The following ZBBX variants were observed in gnomAD, a reference collection of about 807,000 sequenced individuals.
ZBBX encodes the protein zinc finger B-box domain containing, also known as zinc finger B-box domain-containing protein 1.
Under a neutral mutation model 108.5 loss-of-function variants are expected in ZBBX, and 101 were observed. The observed-to-expected ratio is 0.93, with a 90% CI of 0.79 to 1.10. The LOEUF is 1.10. Ranked by LOEUF, ZBBX falls within the 50% of genes least tolerant of loss-of-function variation. The pLI is 0.00. For synonymous variants in ZBBX, 356 were observed against 323.4 expected, an observed-to-expected ratio of 1.10 and a Z score of -1.08; for missense variants, 1,009 against 941.4, an observed-to-expected ratio of 1.07 and a Z score of -0.94.
upstream of ZBBX, among the ~76,000 whole-genome samples, chr3:167,384,153 G>A (rs997491879): frequency 6.6e-6 from 1 of 152,034 alleles, no homozygotes; most frequent in African/African-American, 2.4e-5. Flanking sequence ...TCTTTCAAGG[G>A]TAATTCTGGT....
At chr3:167,390,719 C>T (rs1748061167) in intron 1 of ZBBX, among the ~76,000 whole-genome samples, 2 of 151,744 alleles carry the variant, frequency 1.3e-5, no homozygotes. Context: ...CCCTGTAAGT[C>T]GTATTCCTAG....
intron 1 of ZBBX, among the ~76,000 whole-genome samples, chr3:167,387,904 T>C (rs1178195376): frequency 6.6e-6 from 1 of 152,064 alleles, no homozygotes; most frequent in African/African-American, 2.4e-5. Context: ...CAAACTACGC[T>C]GAATTAAGGA....
chr3:167,391,727 T>C (rs1234808368), intron 1 of ZBBX, among the ~76,000 whole-genome samples: 1 of 151,884 alleles, frequency 6.6e-6, no homozygotes, highest in African/African-American at 2.4e-5. Flanking sequence ...TCATCAAATT[T>C]ATTCAGATAT....
At chr3:167,225,775 C>A in the ZBBX span, among the ~76,000 whole-genome samples, 2 of 151,820 alleles carry the variant, frequency 1.3e-5, no homozygotes, top group Non-Finnish European at 2.9e-5. Context: ...AGTACTCCAT[C>A]ACCTGGGATC....
chr3:167,254,836 T>C (rs952031496), intron 20 of ZBBX, among the ~76,000 whole-genome samples: 2 of 149,900 alleles, frequency 1.3e-5, no homozygotes, highest in Non-Finnish European at 3.0e-5. Flanking sequence ...TAAGAAAAAT[T>C]TCTCCAAGCA....
rs79191818 is a variant in ZBBX, at chr3:167,367,049, T to C, written c.183-1073A>G. ...AAGATAAATACTACTGAAAGTATAA[T>C]GAACACATTTGAATTGTCATTAAAC... On this transcript the variant is annotated intron_variant, in intron 5 of 21. Transcript: ENST00000675490. The C allele has an allele frequency of 1.3e-3, 446 of 355,290 alleles. 4 individuals are homozygous for C. The highest frequency in any genetic ancestry group is 8.5e-3 in the East Asian group (115 of 13,602). The allele number at this position is 355,290 out of a possible 1,614,324, so 22.0% of individuals were successfully genotyped here.
At chr3:167,196,851 T>C in the ZBBX span, among the ~76,000 whole-genome samples, 1 of 152,186 alleles carries the variant, frequency 6.6e-6, no homozygotes, top group Non-Finnish European at 1.5e-5. Context: ...TGTATCCTTT[T>C]CCTATGCTAA....
intron 1 of ZBBX, among the ~76,000 whole-genome samples, chr3:167,399,807 C>T (rs1335304546): frequency 6.6e-6 from 1 of 152,026 alleles, no homozygotes; most frequent in African/African-American, 2.4e-5. Context: ...AACCTATCAC[C>T]CAGGTAGTGA....
At chr3:167,262,240 T>C (rs981364339) in intron 20 of ZBBX, among the ~76,000 whole-genome samples, 10 of 152,172 alleles carry the variant, frequency 6.6e-5, no homozygotes, top group African/African-American at 2.2e-4. Flanking sequence ...GCAGGAGCAG[T>C]CTGCTTTCTT....
chr3:167,362,698 C>A (rs116061415), intron 6 of ZBBX, among the ~76,000 whole-genome samples: 3 of 152,132 alleles, frequency 2.0e-5, no homozygotes, highest in Non-Finnish European at 2.9e-5. Context: ...TTCACCAAAG[C>A]ACTTCCCACA....
intron 18 of ZBBX, among the ~76,000 whole-genome samples, chr3:167,290,110 A>T (rs891027639): frequency 1.3e-5 from 2 of 152,160 alleles, no homozygotes; most frequent in Non-Finnish European, 2.9e-5. Context: ...CCCGGGACAG[A>T]GCACCTAGGG....
intron 8 of ZBBX, among the ~76,000 whole-genome samples, chr3:167,359,171 A>C (rs1192612669): frequency 6.6e-6 from 1 of 152,136 alleles, no homozygotes; most frequent in African/African-American, 2.4e-5. Flanking sequence ...TGGATGAATC[A>C]TGTGGAGCAA....
chr3:167,255,297 C>G (rs1256150481), intron 20 of ZBBX, among the ~76,000 whole-genome samples: 1 of 151,760 alleles, frequency 6.6e-6, no homozygotes, highest in Non-Finnish European at 1.5e-5. Context: ...TCTAATGTGC[C>G]ATTCGGCAAT....
the ZBBX span, among the ~76,000 whole-genome samples, chr3:167,232,871 C>T: frequency 2.2e-4 from 33 of 151,850 alleles, no homozygotes; most frequent in South Asian, 6.2e-3. Flanking sequence ...GTGAGAACAC[C>T]TCCCTGTTGG....
In ZBBX at chr3:167,387,196, T is replaced by G. The variant is rs565863633; in HGVS notation, c.-445-6791A>C. Among the ~76,000 whole-genome samples the G allele has an allele frequency of 3.2e-3, 489 of 152,150 alleles. 2 individuals are homozygous for G. The highest frequency in any genetic ancestry group is 0.011 in the African/African-American group (468 of 41,548). ...GCTCATTCAGATATTCACCAAACACTTATTGAGGACCTACTATGCTTTAGG... is the reference window on the plus strand; with the variant it reads ...GCTCATTCAGATATTCACCAAACACGTATTGAGGACCTACTATGCTTTAGG... On this transcript the variant is annotated intron_variant, in intron 1 of 21. Coordinates refer to the ZBBX transcript ENST00000455345.
the ZBBX span, among the ~76,000 whole-genome samples, chr3:167,206,957 T>A: frequency 6.6e-6 from 1 of 152,094 alleles, no homozygotes; most frequent in African/African-American, 2.4e-5. Flanking sequence ...AATGGATCCA[T>A]CCTATACCAC....
At chr3:167,281,968 G>A (rs927679819) in intron 20 of ZBBX, among the ~76,000 whole-genome samples, 13 of 152,148 alleles carry the variant, frequency 8.5e-5, no homozygotes, top group African/African-American at 1.7e-4. Context: ...GATTTTTTCC[G>A]TGCACATGAA....
At chr3:167,397,219 A>G (rs1030433348) in intron 1 of ZBBX, among the ~76,000 whole-genome samples, 1 of 145,816 alleles carries the variant, frequency 6.9e-6, no homozygotes, top group Non-Finnish European at 1.5e-5. Context: ...GTCTTCGCTG[A>G]CTGCATTTTC....
chr3:167,333,725 T>G, intron 10 of ZBBX, 102 bp downstream of exon 10: 7 of 1,038,582 alleles, frequency 6.7e-6, no homozygotes, highest in Non-Finnish European at 8.0e-6. Flanking sequence ...AAAAATGTGA[T>G]GAAATTATTG....
Sources: allele counts gnomAD v4.1 joint callset (sites outside exome capture counted in the v4.1 genomes callset), GRCh38; gene constraint gnomAD v4.1.1; transcripts MANE v1.5; gene names NCBI Gene and HGNC (gene_info 2026-07-23, HGNC 2026-07-21).